The following AGPAT5 variants were observed in gnomAD, a reference collection of about 807,000 sequenced individuals.
The protein encoded by AGPAT5 is 1-acylglycerol-3-phosphate O-acyltransferase 5.
A neutral mutation model predicts 45.6 loss-of-function variants in AGPAT5; 46 were observed. The ratio of observed to expected loss-of-function variants is 1.01; its 90% confidence interval spans 0.80 to 1.29. The LOEUF is 1.29. Ranked by LOEUF, AGPAT5 falls within the 50% of genes most tolerant of loss-of-function variation. The probability of loss-of-function intolerance (pLI) is 0.00; values close to 1 mark genes in which losing one functional copy is unlikely to be tolerated. For missense variants in AGPAT5, 673 were observed against 450.7 expected (o/e 1.49, Z -4.47); for synonymous variants, 272 against 167.0 (o/e 1.63, Z -4.85).
intron 1 of AGPAT5, among the ~76,000 whole-genome samples, chr8:6,720,063 T>G (rs1407916742): frequency 6.6e-6 from 1 of 152,188 alleles, no homozygotes; most frequent in Non-Finnish European, 1.5e-5. Flanking sequence ...GGGGAACTCA[T>G]GCTTCTAGTT....
chr8:6,709,898 G>C (rs1487829668), intron 1 of AGPAT5, among the ~76,000 whole-genome samples: 4 of 151,962 alleles, frequency 2.6e-5, no homozygotes, highest in African/African-American at 2.4e-5. Flanking sequence ...TGTCTCCTTG[G>C]AAAGAAAAAA....
rs1394107803 is a variant in AGPAT5 at position 6,759,682 on chromosome 8, C to G, written c.*2294C>G. The G allele has an allele frequency of 6.6e-6, 1 of 151,920 alleles. No homozygotes were observed. The allele number at this position is 151,920 out of a possible 1,614,324, so 9.4% of individuals were successfully genotyped here. ...TGTCTCTAATGGCTGTGCTGTTTAACATTTTTTGACCCTAAAATTCACCAA... is the reference window on the plus strand; with the variant it reads ...TGTCTCTAATGGCTGTGCTGTTTAAGATTTTTTGACCCTAAAATTCACCAA... On this transcript the variant is annotated 3_prime_UTR_variant, in exon 8 of 8. Coordinates refer to ENST00000285518, the MANE Select transcript of AGPAT5 (RefSeq NM_018361.5).
intron 1 of AGPAT5, among the ~76,000 whole-genome samples, chr8:6,722,685 C>G (rs1800543878): frequency 6.6e-6 from 1 of 152,228 alleles, no homozygotes; most frequent in South Asian, 2.1e-4. Flanking sequence ...GCATCTAATT[C>G]AGGCCTTCTC....
At chr8:6,716,069 C>G (rs1443358530) in intron 1 of AGPAT5, among the ~76,000 whole-genome samples, 2 of 151,950 alleles carry the variant, frequency 1.3e-5, no homozygotes, top group Non-Finnish European at 1.5e-5. Flanking sequence ...AACTCAAGCC[C>G]TTGCTTTTCT....
At chr8:6,742,883 T>C (rs1374343510) in intron 5 of AGPAT5, among the ~76,000 whole-genome samples, 1 of 152,238 alleles carries the variant, frequency 6.6e-6, no homozygotes, top group Non-Finnish European at 1.5e-5. Context: ...CTTTTGACTT[T>C]CATTGCTTCC....
At position 6,759,500 on chromosome 8, in the gene AGPAT5, T is replaced by G. The variant is rs576123696; in HGVS notation, c.*2112T>G. ...AGAGCCGTATACCTACCTGTAAGTC[T>G]TTTCACATATCATTTAAACTTTTGT... On this transcript the variant is annotated 3_prime_UTR_variant, in exon 8 of 8. Coordinates refer to ENST00000285518, the MANE Select transcript of AGPAT5 (RefSeq NM_018361.5). 1 of 152,352 alleles carries G rather than the reference T, an allele frequency of 6.6e-6. No individual in the cohort carries two copies. Among genetic ancestry groups the G allele is most frequent in the South Asian group, 2.1e-4 (1 of 4,828 alleles). 9.4% of individuals were successfully genotyped at this position (152,352 alleles called of 1,614,324 possible).
chr8:6,747,290 T>A (rs1356412408), intron 5 of AGPAT5, among the ~76,000 whole-genome samples: 1 of 152,250 alleles, frequency 6.6e-6, no homozygotes, highest in African/African-American at 2.4e-5. Context: ...CCATGTGCTG[T>A]GTGACTGTAT....
At chr8:6,742,902 A>G (rs188581396) in intron 5 of AGPAT5, among the ~76,000 whole-genome samples, 6 of 152,282 alleles carry the variant, frequency 3.9e-5, no homozygotes, top group Non-Finnish European at 8.8e-5. Flanking sequence ...CCTCTGTCTA[A>G]TAGACATGAC....
chr8:6,741,556 T>C (rs182287040), intron 4 of AGPAT5, 105 bp from the exon 5 acceptor site: 3 of 703,572 alleles, frequency 4.3e-6, no homozygotes, highest in African/African-American at 3.6e-5. Context: ...TTTCTCCTAC[T>C]GTAGGAAATA....
rs61458339 is a variant in AGPAT5, at chr8:6,734,747, G to A, written c.495+2097G>A. 1.7e-3 allele frequency among the ~76,000 whole-genome samples: 257 copies of A among 152,088 alleles called. 1 individual carries two copies. The highest frequency in any genetic ancestry group is 6.0e-3 in the African/African-American group (249 of 41,494). The stretch of plus-strand genomic sequence containing the variant: ...TTGATACCTGGAAATGGATAGACTT[G>A]TCTTTCTGCTTGGCCTTTAGTGTTG... On this transcript the variant is annotated intron_variant, in intron 4 of 7. Transcript: ENST00000285518.
chr8:6,754,776 G>C (rs1342530340), intron 6 of AGPAT5, among the ~76,000 whole-genome samples: 3 of 152,112 alleles, frequency 2.0e-5, no homozygotes, highest in Non-Finnish European at 4.4e-5. Flanking sequence ...GTTGTCACAT[G>C]AAAAATAACA....
At chr8:6,721,267 C>T (rs1166325443) in intron 1 of AGPAT5, among the ~76,000 whole-genome samples, 3 of 152,108 alleles carry the variant, frequency 2.0e-5, no homozygotes, top group East Asian at 1.9e-4. Flanking sequence ...TTTAAAAGTT[C>T]AAGTAATTAT....
At chr8:6,755,267 G>A in intron 7 of AGPAT5, 93 bp downstream of exon 7, 1 of 1,290,420 alleles carries the variant, frequency 7.7e-7, no homozygotes, top group South Asian at 1.4e-5. Flanking sequence ...TGGTTATATT[G>A]TCTCAAGAAT....
intron 1 of AGPAT5, among the ~76,000 whole-genome samples, chr8:6,710,481 A>C (rs926784633): frequency 2.6e-5 from 4 of 152,184 alleles, no homozygotes; most frequent in Non-Finnish European, 4.4e-5. Flanking sequence ...GTGTTCCTTG[A>C]TGAAGTTCTT....
intron 1 of AGPAT5, among the ~76,000 whole-genome samples, chr8:6,723,118 C>G (rs1043060093): frequency 6.6e-6 from 1 of 152,150 alleles, no homozygotes; most frequent in African/African-American, 2.4e-5. Flanking sequence ...TATTCTGAAA[C>G]TACCTTTATT....
intron 2 of AGPAT5, among the ~76,000 whole-genome samples, chr8:6,727,561 A>C (rs1800730481): frequency 1.3e-5 from 2 of 152,072 alleles, no homozygotes; most frequent in South Asian, 4.1e-4. Context: ...TTGTATTTTC[A>C]GTAGAGATGG....
chr8:6,750,299 C>T (rs1801617685), intron 6 of AGPAT5, among the ~76,000 whole-genome samples: 1 of 152,204 alleles, frequency 6.6e-6, no homozygotes, highest in Admixed American at 6.5e-5. Context: ...AGTTGCATTG[C>T]CTGGGTTCCA....
At chr8:6,743,486 A>G (rs138649703) in intron 5 of AGPAT5, among the ~76,000 whole-genome samples, 4 of 152,344 alleles carry the variant, frequency 2.6e-5, no homozygotes, top group Non-Finnish European at 5.9e-5. Flanking sequence ...TCCATCATTC[A>G]GTTTTTTTGC....
chr8:6,748,720 G>A (rs1038210190), intron 6 of AGPAT5, among the ~76,000 whole-genome samples: 2 of 152,162 alleles, frequency 1.3e-5, no homozygotes, highest in Non-Finnish European at 2.9e-5. Context: ...GGCCAGGCTG[G>A]TCTCAAACTC....
Sources: allele counts gnomAD v4.1 joint callset (sites outside exome capture counted in the v4.1 genomes callset), GRCh38; gene constraint gnomAD v4.1.1; transcripts MANE v1.5; gene names NCBI Gene and HGNC (gene_info 2026-07-23, HGNC 2026-07-21).